LYST: variants seen among roughly 807,000 people sequenced by gnomAD.
The protein encoded by LYST is lysosomal trafficking regulator.
Under a neutral mutation model 413.6 loss-of-function variants are expected in LYST, and 192 were observed. That is an observed-to-expected ratio of 0.46 (90% CI 0.41 to 0.52). The LOEUF is 0.52. LYST is among the 20% of genes least tolerant of loss of function. The probability of loss-of-function intolerance (pLI) is 0.00; values close to 1 mark genes in which losing one functional copy is unlikely to be tolerated. For missense variants in LYST, 3,815 were observed against 4,499.9 expected (o/e 0.85, Z 4.35); for synonymous variants, 1,525 against 1,567.3 (o/e 0.97, Z 0.64).
intron 44 of LYST, among the ~76,000 whole-genome samples, chr1:235,708,441 C>A (rs1473426277): frequency 6.6e-6 from 1 of 152,144 alleles, no homozygotes; most frequent in Non-Finnish European, 1.5e-5. Flanking sequence ...AAAGTTGGCT[C>A]TTGGCTGTTG....
chr1:235,688,760 G>A (rs935906166), intron 47 of LYST, among the ~76,000 whole-genome samples: 9 of 151,940 alleles, frequency 5.9e-5, no homozygotes, highest in South Asian at 2.1e-4. Flanking sequence ...CGAGGCGGGC[G>A]GATCATGAGG....
chr1:235,764,666 A>AT (rs893618399), intron 21 of LYST, among the ~76,000 whole-genome samples: 18 of 148,192 alleles, frequency 1.2e-4, no homozygotes, highest in Non-Finnish European at 1.3e-4. Context: ...TGCCAGGCTA[A>AT]TTTTTTTTTT....
chr1:235,679,858 C>A (rs1453855845), intron 48 of LYST, among the ~76,000 whole-genome samples: 1 of 152,168 alleles, frequency 6.6e-6, no homozygotes, highest in Admixed American at 6.5e-5. Context: ...TCCACAGAGG[C>A]TGTCCAAGGA....
chr1:235,855,385 C>G (rs1414590372), intron 1 of LYST, among the ~76,000 whole-genome samples: 2 of 152,104 alleles, frequency 1.3e-5, no homozygotes, highest in Non-Finnish European at 2.9e-5. Flanking sequence ...TTTACAAAAG[C>G]CACTCTCTAT....
Position 235,808,842 on chromosome 1 carries a change from C to T in LYST, c.1976G>A (p.Cys659Tyr), listed in dbSNP as rs893402745. 4 of 1,613,938 alleles carry T rather than the reference C, an allele frequency of 2.5e-6. No individual in the cohort carries two copies. The highest frequency in any genetic ancestry group is 1.7e-5 in the Admixed American group (1 of 59,966). ...TAAACTTGAGGAGAGTTCAGCATCA[C>T]ATAAGTTTCCCTGCAGTGTCTCTTC... ...QLEETLQGNL[C>Y]DAELSSSLSS... is the part of the protein sequence containing the mutation. The change falls in exon 5 of 53, where the codon TGT becomes TAT. Residue 659 changes from cysteine (C) to tyrosine (Y), a missense_variant. By Grantham distance (194) the Cys-to-Tyr change is radical. Coordinates refer to ENST00000389793, the MANE Select transcript of LYST (RefSeq NM_000081.4).
At chr1:235,844,198 T>C (rs1677530282) in intron 1 of LYST, among the ~76,000 whole-genome samples, 1 of 152,184 alleles carries the variant, frequency 6.6e-6, no homozygotes, top group South Asian at 2.1e-4. Flanking sequence ...GATAGATTGA[T>C]TAGCAACTTT....
chr1:235,867,221 TC>T (rs1455003183), upstream of LYST, among the ~76,000 whole-genome samples: 1 of 152,224 alleles, frequency 6.6e-6, no homozygotes, highest in African/African-American at 2.4e-5. Flanking sequence ...CTCCCAGGGC[TC>T]TGCGTAGTGG....
In LYST at chr1:235,792,052, A is replaced by T; in HGVS notation, c.4190T>A (p.Phe1397Tyr). Residue 1397 changes from phenylalanine to tyrosine, a missense_variant, in exon 12 of 53, where the codon TTC becomes TAC. Transcript: ENST00000389793. ...TTMSPSQYLT[F>Y]PLLHAPNLSN... ...TAAATTTGGAGCGTGCAGTAAAGGGAAGGTTAGATACTGTGAAGGGCTCAT... is the reference window on the plus strand; with the variant it reads ...TAAATTTGGAGCGTGCAGTAAAGGGTAGGTTAGATACTGTGAAGGGCTCAT... 6.2e-7 allele frequency: 1 copy of T among 1,613,862 alleles called. No individual in the cohort carries two copies. Among genetic ancestry groups the T allele is most frequent in the Non-Finnish European group, 8.5e-7 (1 of 1,179,746 alleles).
At chr1:235,866,665 C>T (rs1680564028) in intron 1 of LYST, among the ~76,000 whole-genome samples, 178 bp downstream of exon 1, 1 of 151,716 alleles carries the variant, frequency 6.6e-6, no homozygotes, top group Admixed American at 6.5e-5. Flanking sequence ...AGAGGACGCC[C>T]CGAGCTGGCG....
intron 11 of LYST, among the ~76,000 whole-genome samples, chr1:235,792,665 A>AT (rs57005666): frequency 0.021 from 2,592 of 124,712 alleles, 38 homozygotes; most frequent in African/African-American, 0.027. Context: ...TCATGTTTAG[A>AT]TTTTTTTTTT....
At chr1:235,735,506 G>A (rs1045433792) in intron 31 of LYST, 1 of 151,970 alleles carries the variant, frequency 6.6e-6, no homozygotes, top group Non-Finnish European at 1.5e-5. Flanking sequence ...GTTCATTCAC[G>A]GTTTTTTAAG....
At position 235,715,269 on chromosome 1, in the gene LYST, T is replaced by C. The variant is rs745746960; in HGVS notation, c.9716A>G (p.Asn3239Ser). 12 of 1,613,946 alleles carry C rather than the reference T, an allele frequency of 7.4e-6. No individual in the cohort carries two copies. The African/African-American group carries it at 8.0e-5, about 11-fold the overall frequency. The change falls in exon 42 of 53, where the codon AAT becomes AGT. Residue 3239 changes from asparagine to serine, a missense_variant. Asn to Ser is a conservative substitution (Grantham distance 46). Coordinates refer to ENST00000389793, the MANE Select transcript of LYST (RefSeq NM_000081.4). ...CAGGAAGTGAAGCACAGTGCCGCTA[T>C]TGGAATAGTGGGAGCCATAGTGATA... The part of the protein sequence containing the change: ...QPYHYGSHYS[N>S]SGTVLHFLVR...
Position 235,759,334 on chromosome 1 carries a change from A to C in LYST, c.6519T>G (p.Thr2173=). ...AGAGGACAGCTTCCATTTCACAAAC[A>C]GTTTTTGCAGACTCACAGCTACTGA... ...AFISSCESAK[T]VCEMEAVLSA... Residue 2173 remains threonine, a synonymous_variant, in exon 23 of 53, where the codon ACT becomes ACG. Transcript: ENST00000389793. 6.2e-7 allele frequency: 1 copy of C among 1,614,142 alleles called. No individual in the cohort carries two copies. Among genetic ancestry groups the C allele is most frequent in the Non-Finnish European group, 8.5e-7 (1 of 1,180,014 alleles).
intron 46 of LYST, among the ~76,000 whole-genome samples, chr1:235,695,664 GCT>G (rs1661046265): frequency 8.9e-6 from 1 of 112,756 alleles, no homozygotes; most frequent in African/African-American, 3.6e-5. Flanking sequence ...ACGGAGTCTT[GCT>G]CTGTCTCCCA....
At chr1:235,708,642 C>T (rs752141246) in intron 44 of LYST, among the ~76,000 whole-genome samples, 23 of 152,164 alleles carry the variant, frequency 1.5e-4, no homozygotes, top group Non-Finnish European at 2.9e-4. Context: ...CACACTGAGC[C>T]TCTAATGAGA....
chr1:235,768,154 T>C (rs1423563975), intron 20 of LYST, among the ~76,000 whole-genome samples: 1 of 152,168 alleles, frequency 6.6e-6, no homozygotes, highest in Non-Finnish European at 1.5e-5. Context: ...TATCCTGCTG[T>C]AATTTCAAAT....
intron 3 of LYST, among the ~76,000 whole-genome samples, chr1:235,820,767 T>C (rs993169638): frequency 2.0e-5 from 3 of 152,246 alleles, no homozygotes; most frequent in Admixed American, 6.5e-5. Flanking sequence ...GTATGGACTA[T>C]TTAAGTCCTT....
In LYST at chr1:235,698,690, T is replaced by C. The variant is rs374692527; in HGVS notation, c.10375-1418A>G. Reference sequence around the variant, plus strand: ...ATCAAGACCATCCTGGTTAACATGGTGAAACCCTGTCTCTACTAAAAATAC... The same window carrying C: ...ATCAAGACCATCCTGGTTAACATGGCGAAACCCTGTCTCTACTAAAAATAC... On this transcript the variant is annotated intron_variant, in intron 45 of 52. Coordinates refer to ENST00000389793, the MANE Select transcript of LYST (RefSeq NM_000081.4). 4.4e-4 allele frequency among the ~76,000 whole-genome samples: 67 copies of C among 152,128 alleles called. 1 individual carries two copies. The South Asian group carries it at 0.014, about 32-fold the overall frequency.
At chr1:235,748,710 G>A (rs1260419128) in intron 28 of LYST, among the ~76,000 whole-genome samples, 2 of 152,172 alleles carry the variant, frequency 1.3e-5, no homozygotes, top group African/African-American at 4.8e-5. Flanking sequence ...GAATGAGGTT[G>A]TAAGATTAAT....
Sources: allele counts gnomAD v4.1 joint callset (sites outside exome capture counted in the v4.1 genomes callset), GRCh38; gene constraint gnomAD v4.1.1; transcripts MANE v1.5; gene names NCBI Gene and HGNC (gene_info 2026-07-23, HGNC 2026-07-21).